Variants in PARD3B observed in about 807,000 individuals in gnomAD.
PARD3B encodes the protein partitioning defective 3 homolog B.
Under a neutral mutation model 130.2 loss-of-function variants are expected in PARD3B, and 103 were observed. The ratio of observed to expected loss-of-function variants is 0.79; its 90% CI spans 0.67 to 0.93. The LOEUF is 0.93. Among genes scored for constraint, PARD3B ranks in the 40% least tolerant of loss-of-function variants. PARD3B has a pLI of 0.00. For missense variants in PARD3B, 1,609 were observed against 1,499.2 expected (o/e 1.07, Z -1.21); for synonymous variants, 583 against 553.2 (o/e 1.05, Z -0.76).
chr2:204,670,529 A>G (rs1422283466), intron 1 of PARD3B, among the ~76,000 whole-genome samples: 2 of 151,966 alleles, frequency 1.3e-5, no homozygotes, highest in Non-Finnish European at 2.9e-5. Context: ...AAGGGATACC[A>G]GTGTGCTTTT....
chr2:205,614,201 A>G (rs1416819369), intron 22 of PARD3B, among the ~76,000 whole-genome samples: 1 of 152,196 alleles, frequency 6.6e-6, no homozygotes, highest in Non-Finnish European at 1.5e-5. Context: ...TGCTTCTGTT[A>G]TGGCAAACGG....
At chr2:204,802,733 A>C (rs1344744795) in intron 2 of PARD3B, among the ~76,000 whole-genome samples, 2 of 152,124 alleles carry the variant, frequency 1.3e-5, no homozygotes, top group Non-Finnish European at 1.5e-5. Context: ...CAGCATTCTA[A>C]CACAGGAACA....
At chr2:204,724,176 G>C (rs1002851295) in intron 2 of PARD3B, among the ~76,000 whole-genome samples, 21 of 152,114 alleles carry the variant, frequency 1.4e-4, no homozygotes, top group African/African-American at 4.3e-4. Context: ...TAAAAAAGCA[G>C]TAGATATAGT....
At position 204,967,416 on chromosome 2, in the gene PARD3B, A is replaced by T. The variant is rs543715264; in HGVS notation, c.394+2093A>T. Among the ~76,000 whole-genome samples, 1 of 152,228 alleles carries T rather than the reference A, an allele frequency of 6.6e-6. No homozygotes were observed. The highest frequency in any genetic ancestry group is 1.5e-5 in the Non-Finnish European group (1 of 68,008). On this transcript the variant is annotated intron_variant, in intron 3 of 22. Transcript: ENST00000406610. This position sits in a 1 kb window ranked among gnomAD's most constrained non-coding sequence, Gnocchi z 4.4. ...ACACTGTGTGCTTTCTCCAGTCCCT[A>T]CTGTTGCCAGAGCTGCCTTTCTAAA... is the stretch of plus-strand genomic sequence containing the variant.
At chr2:204,729,704 C>A (rs190675980) in intron 2 of PARD3B, among the ~76,000 whole-genome samples, 6 of 152,070 alleles carry the variant, frequency 3.9e-5, no homozygotes, top group African/African-American at 1.4e-4. Flanking sequence ...ATTTTGATCT[C>A]ATTTTTTAAA....
At chr2:204,939,281 A>G (rs535331111) in intron 2 of PARD3B, among the ~76,000 whole-genome samples, 2 of 152,338 alleles carry the variant, frequency 1.3e-5, no homozygotes, top group East Asian at 3.9e-4. Flanking sequence ...CAATTTTTTA[A>G]AGACTGTTTT....
At chr2:205,439,043 T>A (rs921674430) in intron 19 of PARD3B, among the ~76,000 whole-genome samples, 9 of 152,190 alleles carry the variant, frequency 5.9e-5, no homozygotes, top group Non-Finnish European at 1.3e-4. Flanking sequence ...AAAATGTTGT[T>A]CTGCCAAAAG....
In PARD3B at chr2:205,581,928, G is replaced by A. The variant is rs936212752; in HGVS notation, c.3260+28525G>A. On this transcript the variant is annotated intron_variant, in intron 22 of 22. Transcript: ENST00000406610. The stretch of plus-strand genomic sequence containing the variant: ...GGTCCACAGAGCCTGGCAGCAGCTT[G>A]GTTCCCTTGGTTCCCAGATGGGGAG... Among the ~76,000 whole-genome samples, 5 of 152,264 alleles carry A rather than the reference G, an allele frequency of 3.3e-5. No individual in the cohort carries two copies. The East Asian group carries it at 9.7e-4, about 29-fold the overall frequency.
chr2:205,114,963 G>A (rs1300203539), intron 6 of PARD3B, among the ~76,000 whole-genome samples: 1 of 152,112 alleles, frequency 6.6e-6, no homozygotes, highest in Admixed American at 6.5e-5. Flanking sequence ...GTTGTCATGA[G>A]AAATTCTAAT....
At chr2:205,019,066 A>C (rs955605320) in intron 3 of PARD3B, among the ~76,000 whole-genome samples, 2 of 152,134 alleles carry the variant, frequency 1.3e-5, no homozygotes, top group Admixed American at 6.6e-5. Context: ...TGCAGCCATC[A>C]TCATCAATTT....
At position 204,545,860 on chromosome 2, in the gene PARD3B, T is replaced by C. The variant is rs2029886306; in HGVS notation, c.-140T>C. The stretch of plus-strand genomic sequence containing the variant: ...GGTGGAAGGGGCGCTGCCGCGAGCC[T>C]CCGGGCCTCAGGGTGTTCCGGGGAG... On this transcript the variant is annotated 5_prime_UTR_variant, in exon 1 of 23. Transcript: ENST00000406610. 7.5e-6 allele frequency: 7 copies of C among 939,524 alleles called. No homozygotes were observed. The highest frequency in any genetic ancestry group is 1.0e-5 in the Non-Finnish European group (7 of 684,742). The allele number at this position is 939,524 out of a possible 1,614,324, so 58.2% of individuals were successfully genotyped here.
chr2:204,649,793 A>G (rs1324224836), intron 1 of PARD3B, among the ~76,000 whole-genome samples: 1 of 152,222 alleles, frequency 6.6e-6, no homozygotes, highest in Admixed American at 6.5e-5. Flanking sequence ...TAAATGTAAA[A>G]TCCAAAACTA....
At chr2:204,794,692 A>C (rs1194988958) in intron 2 of PARD3B, among the ~76,000 whole-genome samples, 1 of 152,258 alleles carries the variant, frequency 6.6e-6, no homozygotes, top group East Asian at 1.9e-4. Context: ...TTAACAATTT[A>C]ATTGTAATAT....
intron 15 of PARD3B, among the ~76,000 whole-genome samples, chr2:205,210,002 T>C (rs923075675): frequency 8.6e-5 from 13 of 152,004 alleles, no homozygotes; most frequent in Middle Eastern, 3.2e-3. Context: ...GGTCAGAACA[T>C]CTCATGTATC....
intron 2 of PARD3B, among the ~76,000 whole-genome samples, chr2:204,951,446 T>C (rs1689761410): frequency 6.6e-6 from 1 of 152,190 alleles, no homozygotes; most frequent in African/African-American, 2.4e-5. Context: ...GACACCATTC[T>C]CCTAACTGTA....
At chr2:204,679,674 AT>A (rs1013180725) in intron 1 of PARD3B, among the ~76,000 whole-genome samples, 9 of 151,232 alleles carry the variant, frequency 6.0e-5, no homozygotes, top group South Asian at 2.1e-4. Flanking sequence ...TTTTTTTTTA[AT>A]TTTTTTTAAT....
chr2:204,921,917 G>T (rs13025187), intron 2 of PARD3B, among the ~76,000 whole-genome samples: 34,175 of 152,046 alleles, frequency 0.22, 4,259 homozygotes, highest in Non-Finnish European at 0.28. Context: ...ACTAAAATCT[G>T]CAGAGTTGTA....
At chr2:204,705,416 A>G (rs2038094602) in intron 2 of PARD3B, among the ~76,000 whole-genome samples, 1 of 152,198 alleles carries the variant, frequency 6.6e-6, no homozygotes, top group African/African-American at 2.4e-5. Flanking sequence ...GGCATTTTAA[A>G]TCAATCAGTT....
At position 205,263,647 on chromosome 2, in the gene PARD3B, A is replaced by C. The variant is rs2105773367; in HGVS notation, c.2185+17825A>C. On this transcript the variant is annotated intron_variant, in intron 16 of 22. Transcript: ENST00000406610. The surrounding 1 kb of genome is among the most constrained non-coding windows in gnomAD (Gnocchi z 4.0). ...CTAGAAAACAAATGGGAGAAATTTT[A>C]GTTACAGTGGGTTAAGCAGAACTTT... Among the ~76,000 whole-genome samples, 1 of 151,326 alleles carries C rather than the reference A, an allele frequency of 6.6e-6. No homozygotes were observed. Among genetic ancestry groups the C allele is most frequent in the South Asian group, 2.1e-4 (1 of 4,774 alleles).
Sources: gnomAD v4.1 joint callset for allele counts (sites outside exome capture counted in the v4.1 genomes callset) on GRCh38, gnomAD v4.1.1 for gene constraint, Gnocchi (gnomAD v3.1) non-coding constraint, MANE v1.5 for transcripts, NCBI Gene and HGNC (gene_info 2026-07-23, HGNC 2026-07-21) for gene names.